Variants in SPG11 observed in about 807,000 individuals in gnomAD.
SPG11 encodes spatacsin.
SPG11 carries 222 observed loss-of-function variants against 274.0 expected under a neutral mutation model. That is an observed-to-expected ratio of 0.81 (90% CI 0.73 to 0.91). The LOEUF is 0.91. Among genes scored for constraint, SPG11 ranks in the 40% least tolerant of loss-of-function variants. The probability of loss-of-function intolerance (pLI) is 0.00; values close to 1 mark genes in which losing one functional copy is unlikely to be tolerated. For missense variants in SPG11, 3,114 were observed against 2,872.7 expected (o/e 1.08, Z -1.92); for synonymous variants, 1,144 against 1,039.7 (o/e 1.10, Z -1.93).
chr15:44,661,388 G>C (rs2085101049), intron 1 of SPG11, among the ~76,000 whole-genome samples: 1 of 152,088 alleles, frequency 6.6e-6, no homozygotes. Flanking sequence ...CAATGAAAGA[G>C]GTGAGGCTAT....
chr15:44,624,200 A>G (rs1274718626), intron 11 of SPG11, among the ~76,000 whole-genome samples: 1 of 152,054 alleles, frequency 6.6e-6, no homozygotes, highest in East Asian at 1.9e-4. Context: ...AAAAAAAAAA[A>G]AGAAAGGCCA....
At chr15:44,571,872 A>G (rs1361771520) in intron 33 of SPG11, among the ~76,000 whole-genome samples, 1 of 151,952 alleles carries the variant, frequency 6.6e-6, no homozygotes, top group Non-Finnish European at 1.5e-5. Context: ...GCTCATTGCA[A>G]TCTCCAACTC....
At chr15:44,659,881 C>T (rs554911861) in intron 2 of SPG11, among the ~76,000 whole-genome samples, 2 of 152,130 alleles carry the variant, frequency 1.3e-5, no homozygotes, top group East Asian at 1.9e-4. Context: ...GCCAACATGG[C>T]GAAACCCTGT....
At chr15:44,662,213 G>A (rs893682555) in intron 1 of SPG11, among the ~76,000 whole-genome samples, 83 of 152,140 alleles carry the variant, frequency 5.5e-4, no homozygotes, top group African/African-American at 1.9e-3. Context: ...AGACATCAAG[G>A]GTAGAGAAGA....
At chr15:44,597,800 C>T (rs902169057) in intron 23 of SPG11, among the ~76,000 whole-genome samples, 17 of 152,336 alleles carry the variant, frequency 1.1e-4, no homozygotes, top group African/African-American at 3.8e-4. Context: ...GGTGCTTTTA[C>T]ATACGGTCAC....
intron 28 of SPG11, among the ~76,000 whole-genome samples, chr15:44,587,719 A>C (rs2082802488): frequency 6.7e-6 from 1 of 150,342 alleles, no homozygotes; most frequent in Non-Finnish European, 1.5e-5. Flanking sequence ...AAAAAAAAAA[A>C]ACGTATTCCT....
intron 30 of SPG11, among the ~76,000 whole-genome samples, chr15:44,577,093 G>A (rs1319095594): frequency 6.6e-6 from 1 of 152,166 alleles, no homozygotes; most frequent in Non-Finnish European, 1.5e-5. Context: ...CTCCCAAAGT[G>A]CTGGGATTAC....
At position 44,657,191 on chromosome 15, in the gene SPG11, G is replaced by C. The variant is rs1259576202; in HGVS notation, c.773C>G (p.Ser258Ter). ...EQQQEPAKISSFTSLKVSQDL... is the reference protein window; with the variant it reads ...EQQQEPAKIS ...TTGAGAAACTTTCAGTGAAGTAAAT[G>C]AAGAAATCTTGGCTGGCTCCTGTTG... Residue 258 changes from serine to a stop codon, truncating the protein, a stop_gained, in exon 4 of 40, where the codon TCA becomes TGA. Transcript: ENST00000261866. LOFTEE classifies it high-confidence loss of function. The C allele has an allele frequency of 6.2e-7, 1 of 1,614,168 alleles. No individual in the cohort carries two copies.
chr15:44,567,195 C>A (rs2082327810), intron 36 of SPG11: 1 of 449,864 alleles, frequency 2.2e-6, no homozygotes, highest in Non-Finnish European at 4.1e-6. Flanking sequence ...ATTAAAAATA[C>A]AAAAAATTAG....
intron 30 of SPG11, among the ~76,000 whole-genome samples, chr15:44,577,502 C>CA (rs755097423): frequency 0.47 from 42,511 of 91,262 alleles, 8,763 homozygotes; most frequent in East Asian, 0.6. Context: ...GGCCCTATCT[C>CA]AAAAAAAAAA....
At chr15:44,616,975 C>G (rs1024628780) in intron 15 of SPG11, among the ~76,000 whole-genome samples, 5 of 152,210 alleles carry the variant, frequency 3.3e-5, no homozygotes, top group African/African-American at 9.6e-5. Flanking sequence ...TGTGCTTCCT[C>G]TTTTGTGAGA....
intron 4 of SPG11, 67 bp downstream of exon 4, chr15:44,657,025 CGAG>C: frequency 7.5e-7 from 1 of 1,326,900 alleles, no homozygotes; most frequent in African/African-American, 1.5e-5. Flanking sequence ...AAAAAACTAA[CGAG>C]GATATTTTTA....
intron 7 of SPG11, among the ~76,000 whole-genome samples, chr15:44,640,359 T>TA (rs2084404526): frequency 6.6e-6 from 1 of 152,146 alleles, no homozygotes; most frequent in South Asian, 2.1e-4. Context: ...AAGACATTAA[T>TA]AAAGACCTGC....
chr15:44,570,415 A>G, intron 34 of SPG11, 110 bp downstream of exon 34: 2 of 1,384,050 alleles, frequency 1.4e-6, no homozygotes, highest in South Asian at 2.6e-5. Context: ...AGTGGTATCC[A>G]GATGGGCAGA....
chr15:44,595,497 T>C lies in SPG11; in HGVS notation c.4435-38A>G, dbSNP rs2083012713. 1.9e-6 allele frequency: 3 copies of C among 1,585,422 alleles called. No individual in the cohort carries two copies. In the African/African-American group the frequency reaches 4.0e-5, roughly 21 times the overall value. On this transcript the variant is annotated intron_variant, in intron 25 of 39. Transcript: ENST00000261866. ...AAATAAAATAACAACTAGGCCTGGA[T>C]TACCTGGCAAATGTACAAATACTAC...
Position 44,583,951 on chromosome 15 carries a change from A to T in SPG11, c.5729T>A (p.Leu1910Ter). ...GGCCAGTGCTCTGCAGTGCAATACC[A>T]AGGCGACATCTGGATTATAAAAATG... ...YFHFYNPDVA[L>*]VLHCRALASG... The change falls in exon 30 of 40, where the codon TTG becomes TAG. Residue 1910 changes from leucine (L) to a stop codon, truncating the protein, a stop_gained. Coordinates refer to ENST00000261866, the MANE Select transcript of SPG11 (RefSeq NM_025137.4). LOFTEE classifies it high-confidence loss of function. 6.2e-7 allele frequency: 1 copy of T among 1,614,202 alleles called. No homozygotes were observed. Among genetic ancestry groups the T allele is most frequent in the Non-Finnish European group, 8.5e-7 (1 of 1,180,030 alleles).
intron 14 of SPG11, 171 bp downstream of exon 14, chr15:44,621,588 G>A: frequency 1.5e-6 from 1 of 663,402 alleles, no homozygotes; most frequent in Non-Finnish European, 2.6e-6. Context: ...ATCCCTCCCA[G>A]AAACTCTGAG....
At position 44,589,350 on chromosome 15, in the gene SPG11, C is replaced by T; in HGVS notation, c.4808G>A (p.Cys1603Tyr). The change falls in exon 28 of 40, where the codon TGT becomes TAT. Residue 1603 changes from cysteine (C) to tyrosine (Y), a missense_variant. By Grantham distance (194) the Cys-to-Tyr change is radical (BLOSUM62 -2). Coordinates refer to ENST00000261866, the MANE Select transcript of SPG11 (RefSeq NM_025137.4). ...IPAMWLEDQV[C>Y]FLLKLMLQQC... ...CTGTAGCATAAGCTTCAAAAGGAAACACACCTGATCCTCCAGCCACATGGC... is the reference window on the plus strand; with the variant it reads ...CTGTAGCATAAGCTTCAAAAGGAAATACACCTGATCCTCCAGCCACATGGC... The T allele has an allele frequency of 1.2e-6, 2 of 1,614,172 alleles. No homozygotes were observed. The highest frequency in any genetic ancestry group is 1.7e-6 in the Non-Finnish European group (2 of 1,179,986).
intron 27 of SPG11, 110 bp from the exon 28 acceptor site, chr15:44,589,524 G>A (rs1399000720): frequency 1.1e-5 from 15 of 1,317,650 alleles, no homozygotes; most frequent in Middle Eastern, 1.8e-4. Context: ...AAAAGCCATC[G>A]CCTGTCATGA....
Sources: gnomAD v4.1 joint callset for allele counts (sites outside exome capture counted in the v4.1 genomes callset) on GRCh38, gnomAD v4.1.1 for gene constraint, MANE v1.5 for transcripts, NCBI Gene and HGNC (gene_info 2026-07-23, HGNC 2026-07-21) for gene names.